LRP5: variants seen among roughly 807,000 people sequenced by gnomAD.
LRP5 encodes the protein low-density lipoprotein receptor-related protein 5.
Under a neutral mutation model 154.1 loss-of-function variants are expected in LRP5, and 62 were observed. That is an observed-to-expected ratio of 0.40 (90% CI 0.33 to 0.50). The LOEUF is 0.50. Among genes scored for constraint, LRP5 ranks in the 20% least tolerant of loss-of-function variants. The pLI is 0.55. For missense variants in LRP5, 1,915 were observed against 2,336.7 expected, an observed-to-expected ratio of 0.82 and a Z score of 3.72; for synonymous variants, 966 against 1,011.5, an observed-to-expected ratio of 0.96 and a Z score of 0.85.
intron 13 of LRP5, among the ~76,000 whole-genome samples, chr11:68,416,889 A>G (rs890431372): frequency 6.6e-6 from 1 of 152,240 alleles, no homozygotes; most frequent in African/African-American, 2.4e-5. Flanking sequence ...CATTTCTGCT[A>G]CAATGCTGTA....
rs772705728 is a variant in LRP5 at position 68,357,767 on chromosome 11, C to T, written c.606C>T (p.Ile202=). The T allele has an allele frequency of 3.7e-6, 6 of 1,614,120 alleles. No homozygotes were observed. Among genetic ancestry groups the T allele is most frequent in the East Asian group, 2.2e-5 (1 of 44,872 alleles). Residue 202 remains isoleucine (I), a synonymous_variant, in exon 3 of 23, where the codon ATC becomes ATT. Coordinates refer to ENST00000294304, the MANE Select transcript of LRP5 (RefSeq NM_002335.4). ...SDIYWPNGLT[I]DLEEQKLYWA... ...TTTACTGGCCCAATGGACTGACCAT[C>T]GACCTGGAGGAGCAGAAGCTCTACT...
At chr11:68,410,256 C>A in intron 10 of LRP5, 116 bp downstream of exon 10, 3 of 844,620 alleles carry the variant, frequency 3.6e-6, no homozygotes, top group South Asian at 1.4e-5. Context: ...TAGAGCTGTA[C>A]TGACGTCATT....
In LRP5 at chr11:68,439,882, G is replaced by T. The variant is rs546569008; in HGVS notation, c.4454G>T (p.Ser1485Ile). The T allele has an allele frequency of 5.1e-6, 8 of 1,581,602 alleles. No individual in the cohort carries two copies. Among genetic ancestry groups the T allele is most frequent in the Non-Finnish European group, 6.9e-6 (8 of 1,166,752 alleles). ...CACGTCACAGGGGCCTCGTCCAGCAGCTCGTCCAGCACGAAGGCCACGCTG... is the reference window on the plus strand; with the variant it reads ...CACGTCACAGGGGCCTCGTCCAGCATCTCGTCCAGCACGAAGGCCACGCTG... ...RNHVTGASSS[S>I]SSSTKATLYP... is the part of the protein sequence containing the mutation. Residue 1485 changes from serine to isoleucine, a missense_variant, in exon 21 of 23, where the codon AGC becomes ATC. By Grantham distance (142) the Ser-to-Ile change is moderately radical. This residue lies in a region of LRP5 where 1,094 missense variants were observed against 1,210.1 expected (regional missense o/e 0.90). Transcript: ENST00000294304.
intron 21 of LRP5, 85 bp downstream of exon 21, chr11:68,440,001 G>A (rs1340672925): frequency 2.3e-6 from 3 of 1,280,214 alleles, no homozygotes; most frequent in African/African-American, 3.0e-5. Context: ...GAGGCTTCCC[G>A]GGTTCCTGGG....
chr11:68,438,434 T>G lies in LRP5; in HGVS notation c.4112-12T>G. ...TTAATGTTGGCCACCTCTTTCTGTT[T>G]GTCTCTGGCAGAAATCACCAAGCCG... On this transcript the variant is annotated splice_polypyrimidine_tract_variant and intron_variant, in intron 19 of 22. Coordinates refer to ENST00000294304, the MANE Select transcript of LRP5 (RefSeq NM_002335.4). 6.2e-7 allele frequency: 1 copy of G among 1,612,874 alleles called. No individual in the cohort carries two copies. Among genetic ancestry groups the G allele is most frequent in the Non-Finnish European group, 8.5e-7 (1 of 1,178,934 alleles).
rs2098630540 is a variant in LRP5, at chr11:68,365,584, TGAG to T, written c.903_905del (p.Glu301del). The T allele has an allele frequency of 6.2e-7, 1 of 1,613,970 alleles. No homozygotes were observed. Among genetic ancestry groups the T allele is most frequent in the South Asian group, 1.1e-5 (1 of 91,064 alleles). On this transcript the variant is annotated inframe_deletion, in exon 5 of 23. Transcript: ENST00000294304. ...TGGTTTTCTCAGTCCACACTCGCTGTGAGGAGGACAATGGCGGCTGCTCCCACC... is the reference window on the plus strand; with the variant it reads ...TGGTTTTCTCAGTCCACACTCGCTGTGAGGACAATGGCGGCTGCTCCCACC...
At chr11:68,342,612 G>T (rs1163558518) in intron 1 of LRP5, among the ~76,000 whole-genome samples, 1 of 152,182 alleles carries the variant, frequency 6.6e-6, no homozygotes, top group East Asian at 1.9e-4. Flanking sequence ...TTGAGTGTGT[G>T]GTTGCTTCTA....
intron 8 of LRP5, 76 bp from the exon 9 acceptor site, chr11:68,406,448 A>G (rs1335683555): frequency 1.1e-5 from 16 of 1,477,602 alleles, no homozygotes; most frequent in South Asian, 5.7e-5. Flanking sequence ...GGCAGCATTC[A>G]TTGTGTGGCT....
At chr11:68,341,419 G>A (rs537189987) in intron 1 of LRP5, among the ~76,000 whole-genome samples, 40 of 152,042 alleles carry the variant, frequency 2.6e-4, no homozygotes, top group African/African-American at 7.7e-4. Flanking sequence ...ATCCCTCATC[G>A]CCCCAGGTCT....
At position 68,321,058 on chromosome 11, in the gene LRP5, G is replaced by GTT. The variant is rs36049256; in HGVS notation, c.91+8274_91+8275dup. 1.7e-3 allele frequency among the ~76,000 whole-genome samples: 208 copies of GTT among 119,786 alleles called. 1 individual carries two copies. The highest frequency in any genetic ancestry group is 2.5e-3 in the Non-Finnish European group (152 of 59,820). 78.6% of individuals were successfully genotyped at this position (119,786 alleles called of 152,430 possible). The stretch of plus-strand genomic sequence containing the variant: ...TACATTCAGACATTATTCTGTCTGG[G>GTT]TTTTTTTTTTTTTTTTTTTTTTGTA... On this transcript the variant is annotated intron_variant, in intron 1 of 22. Transcript: ENST00000294304.
At chr11:68,357,600 C>T (rs1399417513) in intron 2 of LRP5, 50 bp from the exon 3 acceptor site, 1 of 1,568,964 alleles carries the variant, frequency 6.4e-7, no homozygotes, top group African/African-American at 1.3e-5. Flanking sequence ...CAGACAAAAA[C>T]AAAAAACAGA....
chr11:68,325,839 C>T (rs1439352463), intron 1 of LRP5, among the ~76,000 whole-genome samples: 2 of 152,270 alleles, frequency 1.3e-5, no homozygotes, highest in East Asian at 3.8e-4. Context: ...TATGCTCCCA[C>T]AGGCTCGTCC....
chr11:68,397,448 A>T (rs1042580118), intron 7 of LRP5, among the ~76,000 whole-genome samples: 4 of 152,016 alleles, frequency 2.6e-5, no homozygotes, highest in Non-Finnish European at 5.9e-5. Flanking sequence ...CCATGTGCCC[A>T]GCTGCCCCCG....
chr11:68,299,894 ATTTG>A, the LRP5 span, among the ~76,000 whole-genome samples: 1 of 146,482 alleles, frequency 6.8e-6, no homozygotes, highest in African/African-American at 2.5e-5. Context: ...TTTTTTGTTT[ATTTG>A]TTTGTTTGTT....
intron 13 of LRP5, among the ~76,000 whole-genome samples, chr11:68,420,521 ATAGT>A (rs1277450807): frequency 2.0e-5 from 3 of 152,154 alleles, no homozygotes; most frequent in African/African-American, 7.2e-5. Flanking sequence ...CCTGGCCAAC[ATAGT>A]GAAACCCTGG....
At chr11:68,439,665 G>A (rs1363775551) in intron 20 of LRP5, 112 bp from the exon 21 acceptor site, 12 of 1,175,976 alleles carry the variant, frequency 1.0e-5, no homozygotes, top group South Asian at 5.2e-5. Context: ...AGGACACACC[G>A]CCCTGGTCTG....
At chr11:68,354,904 A>G (rs1392214381) in intron 2 of LRP5, among the ~76,000 whole-genome samples, 1 of 152,056 alleles carries the variant, frequency 6.6e-6, no homozygotes, top group African/African-American at 2.4e-5. Flanking sequence ...TCCATGTGAC[A>G]CCCCTCTTAC....
rs373351312 is a variant in LRP5, at chr11:68,413,849, C to T, written c.2664C>T (p.Phe888=). The T allele has an allele frequency of 2.0e-5, 33 of 1,613,556 alleles. No homozygotes were observed. The highest frequency in any genetic ancestry group is 3.3e-5 in the Admixed American group (2 of 60,012). The change falls in exon 12 of 23, where the codon TTC becomes TTT. Residue 888 remains phenylalanine (F), a synonymous_variant. Coordinates refer to ENST00000294304, the MANE Select transcript of LRP5 (RefSeq NM_002335.4). The surrounding 1 kb of genome is among the most constrained non-coding windows in gnomAD (Gnocchi z 5.1). The stretch of plus-strand genomic sequence containing the variant: ...CCCTCATCCAGGGCCACCTGGACTT[C>T]GTGATGGACATCCTGGTGTTCCACT... ...NRTLIQGHLD[F]VMDILVFHSS...
At chr11:68,380,119 G>A (rs1401495337) in intron 5 of LRP5, among the ~76,000 whole-genome samples, 1 of 152,238 alleles carries the variant, frequency 6.6e-6, no homozygotes, top group South Asian at 2.1e-4. Context: ...GGCAATAAGA[G>A]TGAAGCTTCG....
Sources: gnomAD v4.1 joint callset for allele counts (sites outside exome capture counted in the v4.1 genomes callset) on GRCh38, gnomAD v4.1.1 for gene constraint, gnomAD v4.1.1 regional missense constraint, Gnocchi (gnomAD v3.1) non-coding constraint, MANE v1.5 for transcripts, NCBI Gene and HGNC (gene_info 2026-07-23, HGNC 2026-07-21) for gene names.